Variants in RALGAPA2 observed in about 807,000 individuals in gnomAD.
The protein encoded by RALGAPA2 is ral GTPase-activating protein subunit alpha-2.
A neutral mutation model predicts 230.4 loss-of-function variants in RALGAPA2; 139 were observed. The observed-to-expected ratio is 0.60, with a 90% CI of 0.53 to 0.69. The LOEUF (loss-of-function observed/expected upper bound fraction) is 0.69, where lower values mean the gene tolerates loss of function less well. Ranked by LOEUF, RALGAPA2 falls within the 30% of genes least tolerant of loss-of-function variation. The pLI, the probability that RALGAPA2 is intolerant of heterozygous loss-of-function variation, is 0.00. For missense variants in RALGAPA2, 2,163 were observed against 2,276.0 expected, an observed-to-expected ratio of 0.95 and a Z score of 1.01; for synonymous variants, 847 against 837.8, an observed-to-expected ratio of 1.01 and a Z score of -0.19.
At position 20,601,779 on chromosome 20, in the gene RALGAPA2, G is replaced by A. The variant is rs200446815; in HGVS notation, c.2106C>T (p.His702=). The part of the protein sequence containing the change: ...GRSFSLSWRS[H]PDVTEPMRFR... ...ATCGCATCGGTTCGGTCACATCTGG[G>A]TGGCTCCGCCAGCTGAGAGAAAAGG... The change falls in exon 16 of 40, where the codon CAC becomes CAT. Residue 702 remains histidine (H), a synonymous_variant. Transcript: ENST00000202677. 31 of 1,613,630 alleles carry A rather than the reference G, an allele frequency of 1.9e-5. No homozygotes were observed. The African/African-American group carries it at 2.9e-4, about 15-fold the overall frequency.
intron 37 of RALGAPA2, among the ~76,000 whole-genome samples, chr20:20,438,494 C>T (rs375584759): frequency 5.6e-4 from 86 of 152,304 alleles, no homozygotes; most frequent in African/African-American, 1.9e-3. Context: ...GGGACTGACT[C>T]CCTTTATCCC....
At position 20,393,133 on chromosome 20, in the gene RALGAPA2, C is replaced by T; in HGVS notation, c.*156G>A. ...AGACCTGCTGAGGGCACTAGTACAGCAACGAAATTTCCTGGAGATTCTGGG... is the reference window on the plus strand; with the variant it reads ...AGACCTGCTGAGGGCACTAGTACAGTAACGAAATTTCCTGGAGATTCTGGG... On this transcript the variant is annotated 3_prime_UTR_variant, in exon 40 of 40. Transcript: ENST00000202677. The T allele has an allele frequency of 2.9e-6, 4 of 1,360,698 alleles. No homozygotes were observed. The highest frequency in any genetic ancestry group is 3.9e-6 in the Non-Finnish European group (4 of 1,019,378). The allele number at this position is 1,360,698 out of a possible 1,614,324, so 84.3% of individuals were successfully genotyped here. A position where few individuals can be genotyped will look rare whatever the true frequency, so the allele number is the denominator to read the frequency against.
chr20:20,680,175 T>C (rs1184929378), intron 2 of RALGAPA2, among the ~76,000 whole-genome samples: 2 of 152,212 alleles, frequency 1.3e-5, no homozygotes, highest in Non-Finnish European at 2.9e-5. Flanking sequence ...ATCCTACCAC[T>C]TAGGTGACAG....
rs1290064319 is a variant in RALGAPA2 at position 20,640,712 on chromosome 20, C to G, written c.539G>C (p.Ser180Thr). 2 of 1,612,182 alleles carry G rather than the reference C, an allele frequency of 1.2e-6. No homozygotes were observed. Among genetic ancestry groups the G allele is most frequent in the Non-Finnish European group, 1.7e-6 (2 of 1,178,846 alleles). ...CTAACATAACTTACCATCAGCTACA[C>G]TAGGGCTGGGATTGATGAGTGTCTC... ...TLETLINPSP[S>T]VADVKIYPEE... Residue 180 changes from serine to threonine, a missense_variant, in exon 6 of 40, where the codon AGT (serine) becomes ACT (threonine). Coordinates refer to ENST00000202677, the MANE Select transcript of RALGAPA2 (RefSeq NM_020343.4).
chr20:20,535,786 A>G lies in RALGAPA2; in HGVS notation c.3432T>C (p.Ile1144=), dbSNP rs1190973366. ...TEDVKHYLIN[I]LLKNATEEPN... Reference sequence around the variant, plus strand: ...GTTCTTCTGTGGCATTCTTCAGTAAAATATTTATGAGGTAATGCTAAAAAC... The same window carrying G: ...GTTCTTCTGTGGCATTCTTCAGTAAGATATTTATGAGGTAATGCTAAAAAC... Residue 1144 remains isoleucine (I), a synonymous_variant, in exon 26 of 40, where the codon ATT becomes ATC. Transcript: ENST00000202677. 2 of 1,547,342 alleles carry G rather than the reference A, an allele frequency of 1.3e-6. No individual in the cohort carries two copies. The highest frequency in any genetic ancestry group is 2.7e-5 in the African/African-American group (2 of 72,950).
At chr20:20,614,584 T>C (rs1056283233) in intron 13 of RALGAPA2, among the ~76,000 whole-genome samples, 1 of 152,224 alleles carries the variant, frequency 6.6e-6, no homozygotes, top group Admixed American at 6.5e-5. Flanking sequence ...TGGCAAATAG[T>C]GCTAAGTTTA....
intron 15 of RALGAPA2, among the ~76,000 whole-genome samples, chr20:20,602,811 G>A (rs377625349): frequency 7.5e-6 from 1 of 133,458 alleles, no homozygotes; most frequent in African/African-American, 2.9e-5. Flanking sequence ...CAGAATGGCA[G>A]GCGTGTGTGT....
chr20:20,493,240 A>G (rs1235735024), intron 36 of RALGAPA2, among the ~76,000 whole-genome samples: 1 of 152,228 alleles, frequency 6.6e-6, no homozygotes, highest in African/African-American at 2.4e-5. Flanking sequence ...GGTCAGCCAC[A>G]CTTGCCCTGG....
At chr20:20,441,721 A>G (rs192791012) in intron 37 of RALGAPA2, among the ~76,000 whole-genome samples, 3 of 152,352 alleles carry the variant, frequency 2.0e-5, no homozygotes, top group East Asian at 1.9e-4. Context: ...TAAGAAAAAC[A>G]AAGTTACAGA....
chr20:20,523,125 A>C (rs929113659), intron 30 of RALGAPA2, among the ~76,000 whole-genome samples: 3 of 152,196 alleles, frequency 2.0e-5, no homozygotes, highest in African/African-American at 7.2e-5. Flanking sequence ...AAGGTTTCTT[A>C]CTAAAAGAAT....
intron 37 of RALGAPA2, among the ~76,000 whole-genome samples, chr20:20,435,564 A>C (rs2060592008): frequency 6.6e-6 from 1 of 152,230 alleles, no homozygotes; most frequent in Non-Finnish European, 1.5e-5. Flanking sequence ...AACAGGGGTC[A>C]CACCCTTACT....
chr20:20,520,527 T>G (rs2145438492), intron 31 of RALGAPA2, among the ~76,000 whole-genome samples: 1 of 152,298 alleles, frequency 6.6e-6, no homozygotes, highest in Non-Finnish European at 1.5e-5. Context: ...TTTCAACACC[T>G]GCCCACCCTG....
In RALGAPA2 at chr20:20,505,405, C is replaced by T; in HGVS notation, c.5052+6G>A. ...CAATAAACACCTACTGAATGAAATG[C>T]ATTACCTCCCATCCAAGTCCAGCAA... On this transcript the variant is annotated splice_donor_region_variant and intron_variant, in intron 34 of 39. Transcript: ENST00000202677. 6.3e-7 allele frequency: 1 copy of T among 1,594,080 alleles called. No homozygotes were observed. Among genetic ancestry groups the T allele is most frequent in the South Asian group, 1.2e-5 (1 of 86,868 alleles).
At chr20:20,664,217 C>A (rs900333111) in intron 3 of RALGAPA2, among the ~76,000 whole-genome samples, 1 of 152,082 alleles carries the variant, frequency 6.6e-6, no homozygotes, top group Admixed American at 6.6e-5. Context: ...GGGGGACTAC[C>A]GTATTAAGTA....
At chr20:20,407,010 A>G (rs1229195579) in intron 38 of RALGAPA2, among the ~76,000 whole-genome samples, 1 of 152,192 alleles carries the variant, frequency 6.6e-6, no homozygotes, top group African/African-American at 2.4e-5. Context: ...GATTATCACT[A>G]TAGGGTGGGC....
chr20:20,582,385 G>A (rs2065014179), intron 20 of RALGAPA2, among the ~76,000 whole-genome samples: 1 of 152,098 alleles, frequency 6.6e-6, no homozygotes, highest in Non-Finnish European at 1.5e-5. Context: ...CAATTCCTCG[G>A]AGGTGCCTGG....
At chr20:20,604,467 T>A (rs1414109227) in intron 15 of RALGAPA2, among the ~76,000 whole-genome samples, 1 of 152,220 alleles carries the variant, frequency 6.6e-6, no homozygotes, top group Non-Finnish European at 1.5e-5. Context: ...CTAGAGAGGC[T>A]GTAGAATGCA....
chr20:20,572,446 C>CA (rs397964870), intron 21 of RALGAPA2, among the ~76,000 whole-genome samples: 30,611 of 101,496 alleles, frequency 0.3, 3,384 homozygotes, highest in East Asian at 0.47. Context: ...GACTCCATTT[C>CA]AAAAAAAAAA....
At chr20:20,492,384 T>A (rs1333770469) in intron 36 of RALGAPA2, among the ~76,000 whole-genome samples, 3 of 152,178 alleles carry the variant, frequency 2.0e-5, no homozygotes, top group Non-Finnish European at 4.4e-5. Flanking sequence ...TATCCTGTCC[T>A]TCAAAAGGAA....
Sources: allele counts gnomAD v4.1 joint callset (sites outside exome capture counted in the v4.1 genomes callset), GRCh38; gene constraint gnomAD v4.1.1; transcripts MANE v1.5; gene names NCBI Gene and HGNC (gene_info 2026-07-23, HGNC 2026-07-21).